The following BCO1 variants were observed in gnomAD, a reference collection of about 807,000 sequenced individuals.
BCO1 encodes the protein beta-carotene oxygenase 1, also known as beta,beta-carotene 15,15'-dioxygenase.
Under a neutral mutation model 56.3 loss-of-function variants are expected in BCO1, and 54 were observed. The observed-to-expected ratio is 0.96, with a 90% CI of 0.77 to 1.20. BCO1 has a LOEUF of 1.20. Among genes scored for constraint, BCO1 ranks in the 50% most tolerant of loss-of-function variants. The pLI is 0.00. For synonymous variants in BCO1, 318 were observed against 266.1 expected (o/e 1.20, Z -1.90); for missense variants, 801 against 690.9 (o/e 1.16, Z -1.79).
intron 2 of BCO1, among the ~76,000 whole-genome samples, chr16:81,251,253 T>A (rs1390685064): frequency 6.6e-6 from 1 of 151,758 alleles, no homozygotes; most frequent in African/African-American, 2.4e-5. Flanking sequence ...TAGAAATTAA[T>A]GCTCTAAAAA....
intron 1 of BCO1, among the ~76,000 whole-genome samples, chr16:81,244,858 T>C (rs555045654): frequency 4.6e-5 from 7 of 151,792 alleles, no homozygotes; most frequent in Non-Finnish European, 7.4e-5. Context: ...CAGCTGGGAC[T>C]ACAGGCATAT....
In BCO1 at chr16:81,281,103, G is replaced by A. The variant is rs1250199821; in HGVS notation, c.1207+141G>A. ...GGGTCTTGGGATGCCCTGGTGAAAA[G>A]CATCTGGGGACATTTCTCTTTTCTC... On this transcript the variant is annotated intron_variant, in intron 8 of 10. Coordinates refer to ENST00000258168, the MANE Select transcript of BCO1 (RefSeq NM_017429.3). 5.8e-5 allele frequency: 40 copies of A among 688,792 alleles called. No homozygotes were observed. In the East Asian group the frequency reaches 1.0e-3, roughly 17 times the overall value. 42.7% of individuals were successfully genotyped at this position (688,792 alleles called of 1,614,324 possible).
In BCO1 at chr16:81,277,113, C is replaced by T. The variant is rs537965780; in HGVS notation, c.1102-3744C>T. On this transcript the variant is annotated intron_variant, in intron 7 of 10. Coordinates refer to ENST00000258168, the MANE Select transcript of BCO1 (RefSeq NM_017429.3). ...AAATAAAATAAAATTAAATTTAAAT[C>T]GCAACATATGGCTAGCGATTGCCGT... 2.7e-5 allele frequency among the ~76,000 whole-genome samples: 4 copies of T among 149,256 alleles called. No individual in the cohort carries two copies. In the South Asian group the frequency reaches 6.5e-4, roughly 24 times the overall value.
chr16:81,280,398 G>T (rs1252685537), intron 7 of BCO1, among the ~76,000 whole-genome samples: 1 of 148,416 alleles, frequency 6.7e-6, no homozygotes, highest in Admixed American at 6.8e-5. Flanking sequence ...TTTTAATGTG[G>T]TTGAGCTCAG....
chr16:81,275,739 T>A (rs1019906112), intron 7 of BCO1, among the ~76,000 whole-genome samples: 16 of 152,264 alleles, frequency 1.1e-4, no homozygotes, highest in Non-Finnish European at 2.9e-5. Flanking sequence ...GCTTCCCACA[T>A]AGAACAGGCA....
chr16:81,258,087 AG>A (rs1906258628), intron 2 of BCO1, among the ~76,000 whole-genome samples: 1 of 152,122 alleles, frequency 6.6e-6, no homozygotes, highest in African/African-American at 2.4e-5. Context: ...AGCTTCTCAA[AG>A]CTAGAAAAAT....
At chr16:81,257,598 C>T (rs183727123) in intron 2 of BCO1, among the ~76,000 whole-genome samples, 16 of 149,848 alleles carry the variant, frequency 1.1e-4, no homozygotes, top group Middle Eastern at 3.4e-3. Context: ...AAAGAAACTT[C>T]GCAGGCTAGG....
At chr16:81,243,454 ATCAT>A (rs149998320) in intron 1 of BCO1, among the ~76,000 whole-genome samples, 65 of 151,006 alleles carry the variant, frequency 4.3e-4, no homozygotes, top group Middle Eastern at 3.4e-3. Flanking sequence ...CCTGGTCTTG[ATCAT>A]TCATTCATTC....
Position 81,238,978 on chromosome 16 carries a change from C to G in BCO1, c.64+6C>G. The stretch of plus-strand genomic sequence containing the variant: ...TGTGAGGGCCAAAGTGACAGGTGAG[C>G]ATTCTGATAAACACTGGGCTCTTTC... On this transcript the variant is annotated splice_donor_region_variant and intron_variant, in intron 1 of 10. Coordinates refer to ENST00000258168, the MANE Select transcript of BCO1 (RefSeq NM_017429.3). 2 of 1,612,004 alleles carry G rather than the reference C, an allele frequency of 1.2e-6. No individual in the cohort carries two copies. Among genetic ancestry groups the G allele is most frequent in the Non-Finnish European group, 1.7e-6 (2 of 1,178,268 alleles).
chr16:81,290,020 C>T (rs543508085), intron 10 of BCO1, among the ~76,000 whole-genome samples: 239 of 152,346 alleles, frequency 1.6e-3, no homozygotes, highest in African/African-American at 5.5e-3. Context: ...CCCACCACCA[C>T]ACCCAGCTAA....
intron 2 of BCO1, among the ~76,000 whole-genome samples, chr16:81,246,867 A>T (rs1567698468): frequency 6.6e-6 from 1 of 150,600 alleles, no homozygotes; most frequent in East Asian, 1.9e-4. Context: ...AAAAAAAAAA[A>T]AGAAGAGTAC....
chr16:81,280,827 T>A lies in BCO1; in HGVS notation c.1102-30T>A, dbSNP rs1192303631. 4.0e-6 allele frequency: 6 copies of A among 1,518,172 alleles called. No homozygotes were observed. The East Asian group carries it at 1.4e-4, about 34-fold the overall frequency. 94.0% of individuals were successfully genotyped at this position (1,518,172 alleles called of 1,614,324 possible). A position where few individuals can be genotyped will look rare whatever the true frequency, so the allele number is the denominator to read the frequency against. ...GTTTGCTCTGGATTACACGTTTTTA[T>A]TTTACTTTTTGAAAACTGAATTTTT... On this transcript the variant is annotated intron_variant, in intron 7 of 10. Transcript: ENST00000258168.
At chr16:81,278,621 G>C (rs940368043) in intron 7 of BCO1, among the ~76,000 whole-genome samples, 1 of 152,194 alleles carries the variant, frequency 6.6e-6, no homozygotes, top group Non-Finnish European at 1.5e-5. Flanking sequence ...CTCAGGGCCA[G>C]TGCCTTGGAG....
chr16:81,257,625 C>G (rs987568290), intron 2 of BCO1, among the ~76,000 whole-genome samples: 3 of 150,750 alleles, frequency 2.0e-5, no homozygotes, highest in African/African-American at 4.9e-5. Context: ...CCTGTAATCC[C>G]AGCACTTTGG....
intron 7 of BCO1, among the ~76,000 whole-genome samples, chr16:81,277,209 T>C (rs1425212289): frequency 6.6e-6 from 1 of 152,144 alleles, no homozygotes; most frequent in Non-Finnish European, 1.5e-5. Flanking sequence ...GTGTTGGACT[T>C]AATTTGCTTG....
intron 4 of BCO1, 96 bp from the exon 5 acceptor site, chr16:81,264,544 C>G: frequency 6.9e-7 from 1 of 1,456,448 alleles, no homozygotes; most frequent in Non-Finnish European, 9.6e-7. Context: ...TTTCATAGGA[C>G]TTCAACCTTT....
intron 2 of BCO1, among the ~76,000 whole-genome samples, chr16:81,255,260 C>T (rs1445741490): frequency 2.0e-5 from 3 of 152,172 alleles, no homozygotes; most frequent in Admixed American, 6.5e-5. Context: ...TTAAGAGGGC[C>T]AGCTTTAGAT....
chr16:81,265,949 C>G lies in BCO1; in HGVS notation c.619+1162C>G, dbSNP rs55891823. On this transcript the variant is annotated intron_variant, in intron 5 of 10. Coordinates refer to ENST00000258168, the MANE Select transcript of BCO1 (RefSeq NM_017429.3). ...ATCTACCACCCATCTATTCACTCAC[C>G]ATCCTTCCATCCACCATCTATCCAT... 3.2e-3 allele frequency among the ~76,000 whole-genome samples: 491 copies of G among 152,026 alleles called. 1 individual carries two copies. Among genetic ancestry groups the G allele is most frequent in the African/African-American group, 0.011 (474 of 41,476 alleles).
chr16:81,248,079 C>G (rs1428077179), intron 2 of BCO1, among the ~76,000 whole-genome samples: 2 of 152,244 alleles, frequency 1.3e-5, no homozygotes, highest in East Asian at 3.9e-4. Flanking sequence ...GTGCACAACA[C>G]CTGCTCAATA....
Sources: gnomAD v4.1 joint callset for allele counts (sites outside exome capture counted in the v4.1 genomes callset) on GRCh38, gnomAD v4.1.1 for gene constraint, MANE v1.5 for transcripts, NCBI Gene and HGNC (gene_info 2026-07-23, HGNC 2026-07-21) for gene names.